The following PIGK variants were observed in gnomAD, a reference collection of about 807,000 sequenced individuals.
PIGK encodes the protein GPI-anchor transamidase.
Under a neutral mutation model 50.6 loss-of-function variants are expected in PIGK, and 42 were observed. That is an observed-to-expected ratio of 0.83 (90% CI 0.65 to 1.07). The LOEUF is 1.07. Ranked by LOEUF, PIGK falls within the 50% of genes least tolerant of loss-of-function variation. PIGK has a pLI of 0.00. For missense variants in PIGK, 448 were observed against 488.7 expected (o/e 0.92, Z 0.78); for synonymous variants, 151 against 156.0 (o/e 0.97, Z 0.24).
chr1:77,187,761 T>G (rs1029414632), intron 3 of PIGK, among the ~76,000 whole-genome samples: 4 of 152,154 alleles, frequency 2.6e-5, no homozygotes, highest in African/African-American at 7.2e-5. Context: ...CCTTCAGGAA[T>G]GAAGGTGTGG....
chr1:77,114,973 T>G (rs1001458221), intron 10 of PIGK, among the ~76,000 whole-genome samples: 2 of 152,190 alleles, frequency 1.3e-5, no homozygotes, highest in Non-Finnish European at 2.9e-5. Context: ...TTGATGAGTT[T>G]CCAGATATTG....
At chr1:77,161,743 G>A (rs771398118) in intron 6 of PIGK, 32 bp from the exon 7 acceptor site, 1 of 870,966 alleles carries the variant, frequency 1.1e-6, no homozygotes, top group Non-Finnish European at 2.0e-6. Context: ...CTTTGACAAG[G>A]ATCATGCTGT....
chr1:77,164,517 A>T (rs1464400366), intron 5 of PIGK, among the ~76,000 whole-genome samples: 1 of 152,172 alleles, frequency 6.6e-6, no homozygotes, highest in Non-Finnish European at 1.5e-5. Context: ...ACAGGTTTTT[A>T]AAAGGTACTT....
intron 10 of PIGK, among the ~76,000 whole-genome samples, chr1:77,097,951 A>T (rs1445274579): frequency 6.6e-6 from 1 of 152,180 alleles, no homozygotes; most frequent in Admixed American, 6.5e-5. Flanking sequence ...AGAGAGGGGT[A>T]AACAGTCAGA....
At chr1:77,123,060 A>G (rs1052186352) in intron 9 of PIGK, among the ~76,000 whole-genome samples, 6 of 152,290 alleles carry the variant, frequency 3.9e-5, no homozygotes, top group African/African-American at 1.4e-4. Flanking sequence ...TTATATAGAC[A>G]ATATTTCTAA....
chr1:77,144,124 G>A (rs1451991723), intron 9 of PIGK, among the ~76,000 whole-genome samples: 1 of 151,960 alleles, frequency 6.6e-6, no homozygotes, highest in Non-Finnish European at 1.5e-5. Flanking sequence ...TGATTCCAAT[G>A]ACTTTGCTTT....
At chr1:77,129,550 T>C (rs1251227061) in intron 9 of PIGK, 11 of 1,233,524 alleles carry the variant, frequency 8.9e-6, no homozygotes, top group Admixed American at 2.0e-5. Context: ...CCCTGCCACA[T>C]TGAGATGATC....
intron 10 of PIGK, among the ~76,000 whole-genome samples, chr1:77,110,557 A>G (rs1653814547): frequency 6.6e-6 from 1 of 152,218 alleles, no homozygotes; most frequent in Non-Finnish European, 1.5e-5. Flanking sequence ...GGCTAGCCAT[A>G]TGTAGAAAGC....
At chr1:77,129,758 A>G in intron 9 of PIGK, 1 of 807,214 alleles carries the variant, frequency 1.2e-6, no homozygotes, top group Non-Finnish European at 1.8e-6. Context: ...CTGGCCCTTT[A>G]CAGAAAAAGT....
chr1:77,111,229 C>G (rs960559094), intron 10 of PIGK, among the ~76,000 whole-genome samples: 1 of 152,148 alleles, frequency 6.6e-6, no homozygotes, highest in Non-Finnish European at 1.5e-5. Context: ...ACTAGAAATA[C>G]CATTTGACCC....
intron 6 of PIGK, among the ~76,000 whole-genome samples, chr1:77,162,767 GA>G (rs71588886): frequency 0.11 from 17,186 of 152,100 alleles, 1,315 homozygotes; most frequent in African/African-American, 0.21. Context: ...AAAGTGACAG[GA>G]GACACAATTA....
At chr1:77,114,588 C>T (rs1347765675) in intron 10 of PIGK, among the ~76,000 whole-genome samples, 1 of 151,812 alleles carries the variant, frequency 6.6e-6, no homozygotes, top group Non-Finnish European at 1.5e-5. Context: ...TGTAGGTGGA[C>T]CAAAAATTTT....
chr1:77,090,346 ATTATGG>A lies in PIGK; in HGVS notation c.*2022_*2027del, dbSNP rs1339329671. 1.3e-5 allele frequency: 2 copies of A among 152,232 alleles called. No individual in the cohort carries two copies. Among genetic ancestry groups the A allele is most frequent in the Non-Finnish European group, 2.9e-5 (2 of 68,034 alleles). The allele number at this position is 152,232 out of a possible 1,614,324, so 9.4% of individuals were successfully genotyped here. ...GGCAGAGTATGCTCTATGTAAAAAG[ATTATGG>A]TTATAAGTGAAACATTTAACATATT... On this transcript the variant is annotated 3_prime_UTR_variant, in exon 11 of 11. Transcript: ENST00000370812.
chr1:77,195,152 C>T (rs1656002270), intron 3 of PIGK: 7 of 1,230,790 alleles, frequency 5.7e-6, no homozygotes, highest in Non-Finnish European at 8.3e-6. Context: ...AATATCATTG[C>T]CAATGAGATT....
intron 1 of PIGK, among the ~76,000 whole-genome samples, chr1:77,216,601 G>A (rs1656571113): frequency 6.6e-6 from 1 of 151,976 alleles, no homozygotes; most frequent in Non-Finnish European, 1.5e-5. Context: ...ATAATAACCT[G>A]AACAAAAAGT....
intron 1 of PIGK, among the ~76,000 whole-genome samples, chr1:77,216,644 T>G (rs1260119542): frequency 6.6e-6 from 1 of 151,858 alleles, no homozygotes; most frequent in Non-Finnish European, 1.5e-5. Context: ...GGGGGGTGTG[T>G]GTGTGTGTAT....
intron 9 of PIGK, chr1:77,153,451 T>C (rs1271929304): frequency 6.6e-6 from 1 of 152,082 alleles, no homozygotes; most frequent in Non-Finnish European, 1.5e-5. Context: ...GGGAAATTAT[T>C]AACAATTTAT....
At chr1:77,152,978 A>C (rs1654926017) in intron 9 of PIGK, among the ~76,000 whole-genome samples, 1 of 152,184 alleles carries the variant, frequency 6.6e-6, no homozygotes, top group African/African-American at 2.4e-5. Flanking sequence ...AATTAAAAAT[A>C]AAACTACCAT....
At position 77,092,499 on chromosome 1, in the gene PIGK, C is replaced by G; in HGVS notation, c.1072-9G>C. ...TCTTTCAGCTTCGGTTTCTGCAAAA[C>G]AAGAATAACATGATAAATTTTATAA... is the stretch of plus-strand genomic sequence containing the variant. On this transcript the variant is annotated splice_polypyrimidine_tract_variant and intron_variant, in intron 10 of 10. Coordinates refer to ENST00000370812, the MANE Select transcript of PIGK (RefSeq NM_005482.3). 7.5e-7 allele frequency: 1 copy of G among 1,329,296 alleles called. No individual in the cohort carries two copies. The highest frequency in any genetic ancestry group is 1.1e-6 in the Non-Finnish European group (1 of 934,968). The allele number at this position is 1,329,296 out of a possible 1,614,324, so 82.3% of individuals were successfully genotyped here. A position where few individuals can be genotyped will look rare whatever the true frequency, so the allele number is the denominator to read the frequency against.
Sources: allele counts gnomAD v4.1 joint callset (sites outside exome capture counted in the v4.1 genomes callset), GRCh38; gene constraint gnomAD v4.1.1; transcripts MANE v1.5; gene names NCBI Gene and HGNC (gene_info 2026-07-23, HGNC 2026-07-21).